Variants in DNAH12 observed in about 807,000 individuals in gnomAD.
The protein encoded by DNAH12 is dynein axonemal heavy chain 12, also known as axonemal beta dynein heavy chain 12.
Under a neutral mutation model 371.5 loss-of-function variants are expected in DNAH12, and 285 were observed. The observed-to-expected ratio is 0.77, with a 90% confidence interval of 0.70 to 0.85. The LOEUF is 0.85. Among genes scored for constraint, DNAH12 ranks in the 40% least tolerant of loss-of-function variants. DNAH12 has a pLI of 0.00. For synonymous variants in DNAH12, 1,200 were observed against 1,213.0 expected (o/e 0.99, Z 0.22); for missense variants, 3,611 against 3,689.4 (o/e 0.98, Z 0.55).
chr3:57,395,610 T>C (rs2063720557), intron 43 of DNAH12, among the ~76,000 whole-genome samples: 1 of 152,048 alleles, frequency 6.6e-6, no homozygotes, highest in Non-Finnish European at 1.5e-5. Context: ...AGTAGTATTG[T>C]ATCAAATCAT....
chr3:57,445,180 A>G lies in DNAH12; in HGVS notation c.4419T>C (p.Asp1473=). ...LKLKYPNENE[D]ILLLRSIKDV... is the part of the protein sequence containing the mutation. Reference sequence around the variant, plus strand: ...GTGTATATTTAATACTTACAAGTATATCTTCATTTTCATTTGGGTATTTTA... The same window carrying G: ...GTGTATATTTAATACTTACAAGTATGTCTTCATTTTCATTTGGGTATTTTA... The change falls in exon 28 of 74, where the codon GAT becomes GAC. Residue 1473 remains aspartate (D), a synonymous_variant. Coordinates refer to ENST00000495027, the MANE Select transcript of DNAH12 (RefSeq NM_001366028.2). 1 of 1,539,876 alleles carries G rather than the reference A, an allele frequency of 6.5e-7. No individual in the cohort carries two copies. Among genetic ancestry groups the G allele is most frequent in the Non-Finnish European group, 8.8e-7 (1 of 1,139,984 alleles).
At chr3:57,379,326 A>T (rs1462428101) in intron 51 of DNAH12, 28 bp from the exon 52 acceptor site, 5 of 152,194 alleles carry the variant, frequency 3.3e-5, no homozygotes, top group African/African-American at 1.2e-4. Flanking sequence ...AAATTTTAAA[A>T]TTTCAATATA....
At position 57,326,564 on chromosome 3, in the gene DNAH12, A is replaced by G. The variant is rs1021221344; in HGVS notation, c.9979-2945T>C. ...TAAAAGAGCTCCTGAAGGAAGCACTAAACATGGAAAGGAACAACCAGTACC... is the reference window on the plus strand; with the variant it reads ...TAAAAGAGCTCCTGAAGGAAGCACTGAACATGGAAAGGAACAACCAGTACC... On this transcript the variant is annotated intron_variant, in intron 62 of 73. Coordinates refer to ENST00000495027, the MANE Select transcript of DNAH12 (RefSeq NM_001366028.2). Among the ~76,000 whole-genome samples, 19 of 152,328 alleles carry G rather than the reference A, an allele frequency of 1.2e-4. No individual in the cohort carries two copies. The East Asian group carries it at 3.7e-3, about 29-fold the overall frequency.
chr3:57,374,527 GAT>G, intron 55 of DNAH12, among the ~76,000 whole-genome samples: 1 of 152,194 alleles, frequency 6.6e-6, no homozygotes, highest in South Asian at 2.1e-4. Flanking sequence ...GACTAACAAT[GAT>G]AGCTAATAAA....
At chr3:57,430,762 T>C (rs2064931696) in intron 32 of DNAH12, among the ~76,000 whole-genome samples, 1 of 152,174 alleles carries the variant, frequency 6.6e-6, no homozygotes, top group Non-Finnish European at 1.5e-5. Context: ...GCTTTTACAA[T>C]CATCACTTTA....
intron 29 of DNAH12, among the ~76,000 whole-genome samples, chr3:57,438,194 C>T (rs1017796263): frequency 2.6e-5 from 4 of 152,064 alleles, no homozygotes; most frequent in Non-Finnish European, 5.9e-5. Context: ...ACCTGTAATC[C>T]CAGTTACTCG....
chr3:57,364,500 T>TA (rs1418277658), intron 57 of DNAH12, among the ~76,000 whole-genome samples: 2 of 151,860 alleles, frequency 1.3e-5, no homozygotes, highest in Non-Finnish European at 2.9e-5. Context: ...TTCCTCATTT[T>TA]AAAAAAAATA....
intron 15 of DNAH12, 43 bp from the exon 16 acceptor site, chr3:57,470,679 A>G: frequency 7.0e-7 from 1 of 1,429,086 alleles, no homozygotes; most frequent in Non-Finnish European, 9.4e-7. Context: ...AATTCAAGTA[A>G]TGTTATAAAA....
chr3:57,416,276 G>A (rs183475113), intron 37 of DNAH12, among the ~76,000 whole-genome samples: 51 of 152,148 alleles, frequency 3.4e-4, no homozygotes, highest in African/African-American at 1.1e-3. Flanking sequence ...ACGTTTTAAA[G>A]AGACAGGGCC....
intron 4 of DNAH12, among the ~76,000 whole-genome samples, chr3:57,518,151 A>G (rs910516307): frequency 3.3e-5 from 5 of 152,112 alleles, no homozygotes; most frequent in African/African-American, 1.2e-4. Flanking sequence ...TTTACTGAAC[A>G]TGTGTTTTTA....
At chr3:57,361,828 A>C (rs2062943332) in intron 58 of DNAH12, among the ~76,000 whole-genome samples, 2 of 152,080 alleles carry the variant, frequency 1.3e-5, no homozygotes, top group Non-Finnish European at 2.9e-5. Flanking sequence ...CAATCCAATA[A>C]TAATAACTTA....
chr3:57,501,463 T>G (rs1218586589), intron 10 of DNAH12, 51 bp from the exon 11 acceptor site: 2 of 1,380,480 alleles, frequency 1.4e-6, no homozygotes, highest in Admixed American at 4.8e-5. Flanking sequence ...TTTTAGAAGA[T>G]AAAACACTTT....
chr3:57,360,880 A>G (rs2062912163), intron 58 of DNAH12, among the ~76,000 whole-genome samples: 2 of 152,296 alleles, frequency 1.3e-5, no homozygotes, highest in East Asian at 1.9e-4. Flanking sequence ...CTGAAGATCA[A>G]TAACGTTAGC....
At chr3:57,547,932 T>C (rs970783929), upstream of DNAH12, among the ~76,000 whole-genome samples, 5 of 152,190 alleles carry the variant, frequency 3.3e-5, no homozygotes, top group Non-Finnish European at 7.3e-5. Context: ...TTTATCCTTC[T>C]CATAAACCTC....
intron 12 of DNAH12, among the ~76,000 whole-genome samples, chr3:57,487,651 C>T (rs2066978732): frequency 2.0e-5 from 3 of 152,064 alleles, no homozygotes; most frequent in Admixed American, 6.6e-5. Flanking sequence ...TAGGGGCACA[C>T]ATTTCCTCCT....
At position 57,510,946 on chromosome 3, in the gene DNAH12, T is replaced by C; in HGVS notation, c.313A>G (p.Ser105Gly). ...NYIYMKQCVE[S>G]SPLVPIQQEW... ...TGCTGAATAGGTACTAAAGGACTAC[T>C]TTCTACACATTGCTTCATATAAATA... Residue 105 changes from serine to glycine, a missense_variant, in exon 5 of 74, where the codon AGT (serine) becomes GGT (glycine). Around this residue, in one of 3 missense-constraint regions of DNAH12, gnomAD observed 1,314 missense variants for 1,398.7 expected, o/e 0.94. Transcript: ENST00000495027. 1 of 1,606,532 alleles carries C rather than the reference T, an allele frequency of 6.2e-7. No individual in the cohort carries two copies. Among genetic ancestry groups the C allele is most frequent in the Non-Finnish European group, 8.5e-7 (1 of 1,178,590 alleles).
intron 66 of DNAH12, among the ~76,000 whole-genome samples, chr3:57,313,499 A>T (rs956636967): frequency 1.3e-5 from 2 of 152,172 alleles, no homozygotes; most frequent in African/African-American, 4.8e-5. Context: ...TAAAAAATAC[A>T]AAAAGTTAGC....
At chr3:57,306,724 G>T (rs1422261537) in intron 69 of DNAH12, among the ~76,000 whole-genome samples, 1 of 152,126 alleles carries the variant, frequency 6.6e-6, no homozygotes, top group Non-Finnish European at 1.5e-5. Context: ...TCACTCGCCT[G>T]CCACAGCATG....
intron 23 of DNAH12, among the ~76,000 whole-genome samples, chr3:57,454,337 G>T (rs1048384779): frequency 1.3e-5 from 2 of 151,978 alleles, no homozygotes; most frequent in Non-Finnish European, 2.9e-5. Context: ...AAAATTAGCC[G>T]GGTGTGGTGG....
Sources: allele counts gnomAD v4.1 joint callset (sites outside exome capture counted in the v4.1 genomes callset), GRCh38; gene constraint gnomAD v4.1.1; regional missense constraint gnomAD v4.1.1; transcripts MANE v1.5; gene names NCBI Gene and HGNC (gene_info 2026-07-23, HGNC 2026-07-21).